Variants in ANKFN1 observed in about 807,000 individuals in gnomAD.
ANKFN1 encodes the protein ankyrin repeat and fibronectin type III domain containing 1, also known as ankyrin repeat and fibronectin type-III domain-containing protein 1.
A neutral mutation model predicts 108.7 loss-of-function variants in ANKFN1; 74 were observed. The observed-to-expected ratio is 0.68, with a 90% confidence interval of 0.56 to 0.83. The LOEUF (loss-of-function observed/expected upper bound fraction) is 0.83, where lower values mean the gene tolerates loss of function less well. Ranked by LOEUF, ANKFN1 falls within the 40% of genes least tolerant of loss-of-function variation. The probability of loss-of-function intolerance (pLI) is 0.00; values close to 1 mark genes in which losing one functional copy is unlikely to be tolerated. For synonymous variants in ANKFN1, 547 were observed against 516.2 expected (o/e 1.06, Z -0.81); for missense variants, 1,505 against 1,382.3 (o/e 1.09, Z -1.41).
chr17:56,446,940 G>A (rs938417173), intron 10 of ANKFN1, among the ~76,000 whole-genome samples: 2 of 151,640 alleles, frequency 1.3e-5, no homozygotes, highest in African/African-American at 4.8e-5. Context: ...CACTTTATAG[G>A]CCAGGCCAAC....
intron 3 of ANKFN1, among the ~76,000 whole-genome samples, chr17:56,265,573 C>G (rs1225633370): frequency 6.6e-6 from 1 of 152,052 alleles, no homozygotes; most frequent in Non-Finnish European, 1.5e-5. Flanking sequence ...ATTTCGGGAG[C>G]CTGAAAAGGA....
chr17:56,507,962 A>G (rs114076689), intron 20 of ANKFN1, among the ~76,000 whole-genome samples: 1,851 of 152,262 alleles, frequency 0.012, 40 homozygotes, highest in African/African-American at 0.042. Context: ...GTGTTTTCTG[A>G]CTTATTGTCT....
chr17:56,436,818 C>A (rs1405219426), intron 8 of ANKFN1, among the ~76,000 whole-genome samples: 1 of 124,936 alleles, frequency 8.0e-6, no homozygotes, highest in Non-Finnish European at 1.6e-5. Context: ...GCCTAGGCAA[C>A]AAGAGCGAAA....
At chr17:56,337,893 T>C (rs1007101405) in intron 4 of ANKFN1, among the ~76,000 whole-genome samples, 18 of 152,186 alleles carry the variant, frequency 1.2e-4, no homozygotes, top group African/African-American at 3.9e-4. Context: ...GAAGACAGTG[T>C]GGGGATTCCT....
At chr17:56,409,300 G>A (rs908684814) in intron 8 of ANKFN1, among the ~76,000 whole-genome samples, 3 of 152,140 alleles carry the variant, frequency 2.0e-5, no homozygotes, top group African/African-American at 7.2e-5. Context: ...CTGACTTTCA[G>A]TAATCTTAAA....
At chr17:56,098,650 T>G (rs1012990421) in intron 4 of ANKFN1, among the ~76,000 whole-genome samples, 15 of 152,192 alleles carry the variant, frequency 9.9e-5, no homozygotes, top group Non-Finnish European at 2.1e-4. Context: ...AAGTGAAAGC[T>G]CTCTAATTAC....
upstream of ANKFN1, among the ~76,000 whole-genome samples, chr17:56,149,125 T>C (rs920737843): frequency 2.0e-5 from 3 of 152,072 alleles, no homozygotes; most frequent in Non-Finnish European, 4.4e-5. Context: ...ATGGAGGCAG[T>C]GGCGGGGTGG....
intron 8 of ANKFN1, among the ~76,000 whole-genome samples, chr17:56,423,246 G>A (rs1007051077): frequency 6.6e-5 from 10 of 152,164 alleles, no homozygotes; most frequent in Middle Eastern, 3.2e-3. Context: ...CTGGAGCCAC[G>A]CACCACACAG....
At chr17:56,456,464 C>G (rs2049703334) in intron 11 of ANKFN1, among the ~76,000 whole-genome samples, 1 of 133,108 alleles carries the variant, frequency 7.5e-6, no homozygotes, top group Non-Finnish European at 1.5e-5. Flanking sequence ...AGAGCACGAT[C>G]TCGGCTCACT....
chr17:56,143,781 G>A lies in ANKFN1; in HGVS notation c.289-84136G>A, dbSNP rs76305049. The stretch of plus-strand genomic sequence containing the variant: ...CACAAGGAGAAGGCCAAGTGAAGCC[G>A]AACACAGAGATTGGAATTACGCAGC... On this transcript the variant is annotated intron_variant, in intron 4 of 12. Coordinates refer to the ANKFN1 transcript ENST00000635860. Among the ~76,000 whole-genome samples, 1,196 of 152,166 alleles carry A rather than the reference G, an allele frequency of 7.9e-3. 11 individuals carry two copies. Among genetic ancestry groups the A allele is most frequent in the African/African-American group, 0.027 (1,112 of 41,516 alleles).
intron 4 of ANKFN1, among the ~76,000 whole-genome samples, chr17:56,088,603 T>C (rs1421291319): frequency 6.6e-6 from 1 of 150,734 alleles, no homozygotes; most frequent in Non-Finnish European, 1.5e-5. Context: ...CAGCCTCCAC[T>C]CTCATCTCCT....
chr17:56,178,750 C>G (rs1197084171), intron 1 of ANKFN1, among the ~76,000 whole-genome samples: 1 of 151,984 alleles, frequency 6.6e-6, no homozygotes, highest in African/African-American at 2.4e-5. Flanking sequence ...TTTCATTTAC[C>G]TGGTTTTTGC....
chr17:56,315,747 C>G (rs2045185787), intron 3 of ANKFN1, among the ~76,000 whole-genome samples: 1 of 152,148 alleles, frequency 6.6e-6, no homozygotes, highest in African/African-American at 2.4e-5. Context: ...AGACTCTGCT[C>G]TATCTGATTT....
chr17:56,296,708 C>T (rs971193872), intron 3 of ANKFN1, among the ~76,000 whole-genome samples: 2 of 151,942 alleles, frequency 1.3e-5, no homozygotes, highest in African/African-American at 4.8e-5. Context: ...CAAACAACAA[C>T]AACAACAACA....
chr17:56,153,958 C>T (rs548776012), intron 1 of ANKFN1, among the ~76,000 whole-genome samples: 4 of 152,308 alleles, frequency 2.6e-5, no homozygotes, highest in African/African-American at 9.6e-5. Flanking sequence ...CTCTCCTTCT[C>T]TCTCTCTCAC....
At chr17:56,046,231 T>G (rs537091416) in exon 4 of ANKFN1, 1 of 159,184 alleles carries the variant, frequency 6.3e-6, no homozygotes, top group East Asian at 1.9e-4. Flanking sequence ...TTGTTTCATT[T>G]GCAACAGGAA....
chr17:56,503,728 C>T (rs1483984930), intron 20 of ANKFN1, among the ~76,000 whole-genome samples: 1 of 151,794 alleles, frequency 6.6e-6, no homozygotes, highest in Non-Finnish European at 1.5e-5. Flanking sequence ...TGGCCTGACC[C>T]ACAGAGACCA....
At chr17:56,152,689 C>T (rs1001300624), upstream of ANKFN1, among the ~76,000 whole-genome samples, 3 of 152,176 alleles carry the variant, frequency 2.0e-5, no homozygotes, top group African/African-American at 7.2e-5. Context: ...TATTGAACAT[C>T]TACACTGTGC....
At chr17:56,465,460 C>T (rs2050043008) in intron 14 of ANKFN1, among the ~76,000 whole-genome samples, 1 of 152,062 alleles carries the variant, frequency 6.6e-6, no homozygotes, top group East Asian at 1.9e-4. Context: ...TTTACAAATC[C>T]CAGTTCTATT....
Sources: gnomAD v4.1 joint callset for allele counts (sites outside exome capture counted in the v4.1 genomes callset) on GRCh38, gnomAD v4.1.1 for gene constraint, MANE v1.5 for transcripts, NCBI Gene and HGNC (gene_info 2026-07-23, HGNC 2026-07-21) for gene names.